Variants in NDUFAF2 observed in about 807,000 individuals in gnomAD.
NDUFAF2 encodes NADH:ubiquinone oxidoreductase complex assembly factor 2.
NDUFAF2 carries 13 observed loss-of-function variants against 22.8 expected under a neutral mutation model. The ratio of observed to expected loss-of-function variants is 0.57; its 90% confidence interval spans 0.37 to 0.91. NDUFAF2 has a LOEUF of 0.91. Among genes scored for constraint, NDUFAF2 ranks in the 40% least tolerant of loss-of-function variants. The pLI is 0.01. For missense variants in NDUFAF2, 162 were observed against 195.2 expected (o/e 0.83, Z 1.01); for synonymous variants, 53 against 64.2 (o/e 0.83, Z 0.84).
chr5:60,998,568 C>G (rs1192290061), intron 1 of NDUFAF2, among the ~76,000 whole-genome samples: 1 of 152,064 alleles, frequency 6.6e-6, no homozygotes, highest in Non-Finnish European at 1.5e-5. Flanking sequence ...TAACAGAAGT[C>G]TTTGGCTATT....
At chr5:60,962,999 C>T (rs551120968) in intron 1 of NDUFAF2, among the ~76,000 whole-genome samples, 2 of 151,996 alleles carry the variant, frequency 1.3e-5, no homozygotes, top group Non-Finnish European at 2.9e-5. Context: ...CATTCTCCTG[C>T]CTCAGCTTCC....
intron 1 of NDUFAF2, among the ~76,000 whole-genome samples, chr5:61,046,848 G>C (rs1194715546): frequency 1.3e-5 from 2 of 152,272 alleles, no homozygotes; most frequent in South Asian, 2.1e-4. Flanking sequence ...TTGCACTCCA[G>C]ATAAGTGAGG....
chr5:61,092,584 C>T (rs1026779645), intron 2 of NDUFAF2, among the ~76,000 whole-genome samples: 17 of 152,092 alleles, frequency 1.1e-4, no homozygotes, highest in African/African-American at 3.9e-4. Context: ...GCTGAAGTTG[C>T]TTATCAGCTC....
intron 1 of NDUFAF2, among the ~76,000 whole-genome samples, chr5:60,958,437 T>C (rs1750645618): frequency 6.6e-6 from 1 of 152,196 alleles, no homozygotes; most frequent in African/African-American, 2.4e-5. Flanking sequence ...CAGCTACTTA[T>C]AATCTTCCAA....
At chr5:61,121,405 C>T (rs368281306) in intron 3 of NDUFAF2, among the ~76,000 whole-genome samples, 1 of 152,046 alleles carries the variant, frequency 6.6e-6, no homozygotes, top group South Asian at 2.1e-4. Flanking sequence ...TGATGGGTTA[C>T]AGCTTGTTTT....
chr5:61,000,304 T>C (rs1751280119), intron 1 of NDUFAF2, among the ~76,000 whole-genome samples: 1 of 152,110 alleles, frequency 6.6e-6, no homozygotes. Flanking sequence ...ATTCAGCTTT[T>C]CTCTGTCCCA....
intron 3 of NDUFAF2, among the ~76,000 whole-genome samples, chr5:61,117,152 G>T (rs1296065260): frequency 6.6e-6 from 1 of 152,066 alleles, no homozygotes; most frequent in African/African-American, 2.4e-5. Flanking sequence ...ATAACTAACA[G>T]TTTTAAAATA....
At chr5:61,117,579 C>T (rs919984859) in intron 3 of NDUFAF2, among the ~76,000 whole-genome samples, 7 of 152,064 alleles carry the variant, frequency 4.6e-5, no homozygotes, top group Non-Finnish European at 7.4e-5. Context: ...TTATCTGCAA[C>T]TGTTAGACTC....
At position 60,954,691 on chromosome 5, in the gene NDUFAF2, C is replaced by T. The variant is rs188900223; in HGVS notation, c.127+9309C>T. On this transcript the variant is annotated intron_variant, in intron 1 of 3. Transcript: ENST00000296597. The stretch of plus-strand genomic sequence containing the variant: ...AACTCATGACCTCAAGTGATCTGCC[C>T]GCCTCAGCCTCCCAAAGTGCTAGGA... 2.1e-3 allele frequency among the ~76,000 whole-genome samples: 318 copies of T among 151,610 alleles called. 1 individual carries two copies. Among genetic ancestry groups the T allele is most frequent in the Admixed American group, 3.2e-3 (49 of 15,232 alleles).
intron 1 of NDUFAF2, among the ~76,000 whole-genome samples, chr5:60,996,711 GC>G (rs1166233830): frequency 2.0e-5 from 3 of 152,184 alleles, no homozygotes; most frequent in Non-Finnish European, 4.4e-5. Flanking sequence ...AGTTCAAACT[GC>G]TGGGATTAGT....
intron 1 of NDUFAF2, among the ~76,000 whole-genome samples, chr5:60,962,451 C>A (rs189098640): frequency 1.5e-3 from 227 of 152,288 alleles, no homozygotes; most frequent in Non-Finnish European, 2.3e-3. Flanking sequence ...ATAATTTTCT[C>A]ATGAAGCTAT....
chr5:60,963,839 T>C (rs1189616653), intron 1 of NDUFAF2, among the ~76,000 whole-genome samples: 1 of 152,100 alleles, frequency 6.6e-6, no homozygotes, highest in African/African-American at 2.4e-5. Context: ...ATCTTAAATG[T>C]GATGGTTAGG....
chr5:61,003,645 C>CTTTT (rs33941286), intron 1 of NDUFAF2, among the ~76,000 whole-genome samples: 21 of 121,764 alleles, frequency 1.7e-4, no homozygotes, highest in Non-Finnish European at 3.1e-4. Context: ...AAAATCTATA[C>CTTTT]TTTTTTTTTT....
intron 2 of NDUFAF2, among the ~76,000 whole-genome samples, chr5:61,078,242 T>A (rs1752394013): frequency 6.8e-6 from 1 of 146,600 alleles, no homozygotes; most frequent in African/African-American, 2.5e-5. Context: ...CCTTATTCAT[T>A]TTTGTATTCT....
chr5:61,151,425 A>G (rs1312189953), intron 3 of NDUFAF2, among the ~76,000 whole-genome samples: 3 of 152,184 alleles, frequency 2.0e-5, no homozygotes, highest in Non-Finnish European at 2.9e-5. Context: ...AAAATTAGAT[A>G]ATACAGGTAA....
intron 3 of NDUFAF2, among the ~76,000 whole-genome samples, chr5:61,107,177 G>A (rs1480670424): frequency 1.3e-5 from 2 of 150,240 alleles, no homozygotes; most frequent in Admixed American, 6.6e-5. Flanking sequence ...CTCCATGGTG[G>A]TTGTACTAAT....
chr5:61,060,955 G>A (rs1752158212), intron 1 of NDUFAF2, among the ~76,000 whole-genome samples: 1 of 152,084 alleles, frequency 6.6e-6, no homozygotes, highest in African/African-American at 2.4e-5. Context: ...CTGTGTGAAT[G>A]GATTAGGAAA....
intron 3 of NDUFAF2, among the ~76,000 whole-genome samples, chr5:61,152,291 GAAAA>G (rs534580482): frequency 7.4e-6 from 1 of 135,008 alleles, no homozygotes; most frequent in Non-Finnish European, 1.6e-5. Context: ...GAATGGCAAA[GAAAA>G]AAAAAAAAGG....
At chr5:60,962,781 C>T (rs1022121804) in intron 1 of NDUFAF2, among the ~76,000 whole-genome samples, 2 of 150,326 alleles carry the variant, frequency 1.3e-5, no homozygotes, top group African/African-American at 4.9e-5. Flanking sequence ...TGCAGTGAGC[C>T]AAGATCACAC....
Sources: gnomAD v4.1 joint callset for allele counts (sites outside exome capture counted in the v4.1 genomes callset) on GRCh38, gnomAD v4.1.1 for gene constraint, MANE v1.5 for transcripts, NCBI Gene and HGNC (gene_info 2026-07-23, HGNC 2026-07-21) for gene names.